The following TTLL11 variants were observed in gnomAD, a reference collection of about 807,000 sequenced individuals.
TTLL11 encodes the protein tubulin polyglutamylase TTLL11.
TTLL11 carries 42 observed loss-of-function variants against 51.7 expected under a neutral mutation model. The observed-to-expected ratio is 0.81, with a 90% CI of 0.64 to 1.05. TTLL11 has a LOEUF of 1.05. Ranked by LOEUF, TTLL11 falls within the 50% of genes least tolerant of loss-of-function variation. The pLI is 0.00. For synonymous variants in TTLL11, 381 were observed against 383.5 expected (o/e 0.99, Z 0.08); for missense variants, 799 against 940.4 (o/e 0.85, Z 1.97).
Position 121,890,921 on chromosome 9 carries a change from C to T in TTLL11, c.1482-20173G>A, listed in dbSNP as rs1044625508. Among the ~76,000 whole-genome samples, 1 of 152,192 alleles carries T rather than the reference C, an allele frequency of 6.6e-6. No homozygotes were observed. The highest frequency in any genetic ancestry group is 1.5e-5 in the Non-Finnish European group (1 of 68,044). ...CTCAGACCACAGTCCTATTTAAGCT[C>T]CAGCCACATTGCCCTGCCCACTAAG... On this transcript the variant is annotated intron_variant, in intron 6 of 8. Coordinates refer to ENST00000321582, the MANE Select transcript of TTLL11 (RefSeq NM_001139442.2). This position sits in a 1 kb window ranked among gnomAD's most constrained non-coding sequence, Gnocchi z 4.3.
chr9:121,894,525 A>T (rs945120773), intron 6 of TTLL11, among the ~76,000 whole-genome samples: 1 of 152,256 alleles, frequency 6.6e-6, no homozygotes, highest in Non-Finnish European at 1.5e-5. Flanking sequence ...AGACTGGATA[A>T]AGAAAATGTT....
chr9:121,895,237 T>C (rs372583746), intron 6 of TTLL11, among the ~76,000 whole-genome samples: 9 of 152,204 alleles, frequency 5.9e-5, no homozygotes, highest in African/African-American at 2.2e-4. Flanking sequence ...CAGATAATGT[T>C]CACAATGAAC....
At chr9:122,001,002 A>C (rs1259263133) in intron 3 of TTLL11, among the ~76,000 whole-genome samples, 1 of 152,258 alleles carries the variant, frequency 6.6e-6, no homozygotes, top group Non-Finnish European at 1.5e-5. Flanking sequence ...CTAAGTTATG[A>C]GAAATCTACT....
intron 6 of TTLL11, among the ~76,000 whole-genome samples, chr9:121,929,722 A>C (rs1283622240): frequency 6.6e-6 from 1 of 152,258 alleles, no homozygotes; most frequent in East Asian, 1.9e-4. Context: ...ACAATAAACA[A>C]GAAGAAAGCA....
At chr9:122,072,639 G>T (rs1050745395) in intron 1 of TTLL11, among the ~76,000 whole-genome samples, 1 of 152,034 alleles carries the variant, frequency 6.6e-6, no homozygotes, top group Admixed American at 6.6e-5. Context: ...GCAAGACTCT[G>T]TCTCAAAAAA....
chr9:122,012,648 A>G (rs72765987), intron 3 of TTLL11, among the ~76,000 whole-genome samples: 12,880 of 146,972 alleles, frequency 0.088, 1,033 homozygotes, highest in African/African-American at 0.23. Flanking sequence ...CTCTGGCAGG[A>G]GGAAAAAATA....
intron 1 of TTLL11, among the ~76,000 whole-genome samples, chr9:122,086,556 C>A (rs1158207832): frequency 2.6e-5 from 4 of 152,152 alleles, no homozygotes; most frequent in African/African-American, 9.6e-5. Flanking sequence ...GAATCTGAGA[C>A]AGAAAGATTC....
chr9:121,877,532 C>T (rs556615707), intron 6 of TTLL11, among the ~76,000 whole-genome samples: 12 of 152,240 alleles, frequency 7.9e-5, no homozygotes, highest in African/African-American at 2.4e-4. Context: ...CCACCTATTC[C>T]CCTTCACGCA....
At chr9:122,038,931 G>T (rs566617303) in intron 2 of TTLL11, among the ~76,000 whole-genome samples, 1 of 152,164 alleles carries the variant, frequency 6.6e-6, no homozygotes, top group Non-Finnish European at 1.5e-5. Context: ...TATGACATAT[G>T]CCTAGAATTT....
chr9:121,869,162 C>G (rs547573168), intron 7 of TTLL11, among the ~76,000 whole-genome samples: 1 of 152,334 alleles, frequency 6.6e-6, no homozygotes, highest in South Asian at 2.1e-4. Flanking sequence ...AACGCAAAGC[C>G]CTTCTCAAAG....
intron 6 of TTLL11, among the ~76,000 whole-genome samples, chr9:121,943,706 T>C (rs1233477802): frequency 6.6e-6 from 1 of 152,208 alleles, no homozygotes; most frequent in Admixed American, 6.5e-5. Flanking sequence ...GATGTCTCAC[T>C]GTTCCCATCA....
chr9:121,954,676 A>ACG (rs757461377), intron 6 of TTLL11, among the ~76,000 whole-genome samples: 162 of 55,582 alleles, frequency 2.9e-3, no homozygotes, highest in South Asian at 6.1e-3. Flanking sequence ...ACACACACAG[A>ACG]CGCACACACA....
intron 6 of TTLL11, among the ~76,000 whole-genome samples, chr9:121,881,307 G>A (rs1355408155): frequency 6.8e-6 from 1 of 146,640 alleles, no homozygotes; most frequent in Admixed American, 6.8e-5. Context: ...GAAGCCATGT[G>A]TAAAAGTTAT....
rs138173018 is a variant in TTLL11 at position 121,908,576 on chromosome 9, A to T, written c.1482-37828T>A. Among the ~76,000 whole-genome samples the T allele has an allele frequency of 4.3e-3, 651 of 152,368 alleles. 7 individuals carry two copies. Among genetic ancestry groups the T allele is most frequent in the African/African-American group, 0.015 (614 of 41,588 alleles). On this transcript the variant is annotated intron_variant, in intron 6 of 8. Coordinates refer to ENST00000321582, the MANE Select transcript of TTLL11 (RefSeq NM_001139442.2). ...TGGGAATTCATAAAATATTCAAGTA[A>T]CTAATAAAGTCATTTTTTGATTCAG...
At position 121,967,210 on chromosome 9, in the gene TTLL11, ATTTTTTTTTTTTTTTTTT is replaced by A. The variant is rs150372226; in HGVS notation, c.1481+6781_1481+6798del. 9.5e-5 allele frequency among the ~76,000 whole-genome samples: 6 copies of A among 63,026 alleles called. No homozygotes were observed. In the South Asian group the frequency reaches 4.4e-3, roughly 46 times the overall value. 41.3% of individuals were successfully genotyped at this position (63,026 alleles called of 152,430 possible). On this transcript the variant is annotated intron_variant, in intron 6 of 8. Transcript: ENST00000321582. Reference sequence around the variant, plus strand: ...TCTGTCAGTGATGCTTCAGCGGGAGATTTTTTTTTTTTTTTTTTTTTTTTTTTTTTTTTGAGAGGAGTC... The same window carrying A: ...TCTGTCAGTGATGCTTCAGCGGGAGATTTTTTTTTTTTTTTGAGAGGAGTC...
intron 7 of TTLL11, among the ~76,000 whole-genome samples, chr9:121,869,561 C>A (rs538952055): frequency 1.3e-5 from 2 of 152,230 alleles, no homozygotes; most frequent in South Asian, 2.1e-4. Flanking sequence ...TAGTGGGAAC[C>A]TTCTTTGATC....
intron 8 of TTLL11, among the ~76,000 whole-genome samples, chr9:121,843,672 G>GTTA (rs578006072): frequency 2.0e-3 from 304 of 151,908 alleles, no homozygotes; most frequent in Middle Eastern, 6.8e-3. Flanking sequence ...CTTATTTTTT[G>GTTA]TTATTATTAT....
chr9:121,936,674 C>CA (rs1228263496), intron 6 of TTLL11, among the ~76,000 whole-genome samples: 2 of 152,170 alleles, frequency 1.3e-5, no homozygotes, highest in Non-Finnish European at 2.9e-5. Flanking sequence ...ACTTGGAATA[C>CA]AAAGAAAAGC....
chr9:122,008,343 T>C (rs1475854965), intron 3 of TTLL11, among the ~76,000 whole-genome samples: 1 of 152,132 alleles, frequency 6.6e-6, no homozygotes, highest in Admixed American at 6.5e-5. Context: ...TGATAAAGGG[T>C]TAATATCCAA....
Sources: allele counts gnomAD v4.1 joint callset (sites outside exome capture counted in the v4.1 genomes callset), GRCh38; gene constraint gnomAD v4.1.1; non-coding constraint Gnocchi (gnomAD v3.1); transcripts MANE v1.5; gene names NCBI Gene and HGNC (gene_info 2026-07-23, HGNC 2026-07-21).